PHKB: variants seen among roughly 807,000 people sequenced by gnomAD.
PHKB encodes the protein phosphorylase b kinase regulatory subunit beta.
A neutral mutation model predicts 152.1 loss-of-function variants in PHKB; 122 were observed. The observed-to-expected ratio is 0.80, with a 90% CI of 0.69 to 0.93. The LOEUF (loss-of-function observed/expected upper bound fraction) is 0.93. Ranked by LOEUF, PHKB falls within the 40% of genes least tolerant of loss-of-function variation. PHKB has a pLI of 0.00. For missense variants in PHKB, 1,304 were observed against 1,328.4 expected (o/e 0.98, Z 0.29); for synonymous variants, 436 against 464.9 (o/e 0.94, Z 0.80).
At chr16:47,654,965 T>G (rs1014132857) in intron 20 of PHKB, among the ~76,000 whole-genome samples, 8 of 151,100 alleles carry the variant, frequency 5.3e-5, no homozygotes, top group South Asian at 2.1e-4. Flanking sequence ...AAAAAATAAA[T>G]AAAGAAAAGA....
intron 7 of PHKB, among the ~76,000 whole-genome samples, chr16:47,556,893 T>A (rs1422887329): frequency 1.3e-5 from 2 of 152,226 alleles, no homozygotes; most frequent in Non-Finnish European, 2.9e-5. Flanking sequence ...TGAATCCATC[T>A]GGTCCTGGAC....
At chr16:47,586,439 T>C (rs1971936279) in intron 8 of PHKB, among the ~76,000 whole-genome samples, 1 of 152,244 alleles carries the variant, frequency 6.6e-6, no homozygotes, top group Non-Finnish European at 1.5e-5. Context: ...GTTCATTTAT[T>C]AATTTACTTG....
At chr16:47,514,589 C>T (rs1056298733) in intron 5 of PHKB, among the ~76,000 whole-genome samples, 5 of 152,212 alleles carry the variant, frequency 3.3e-5, no homozygotes, top group Non-Finnish European at 5.9e-5. Context: ...GAGAATAGGT[C>T]TTCCCCACTC....
intron 1 of PHKB, among the ~76,000 whole-genome samples, chr16:47,483,843 T>C (rs1284855852): frequency 1.3e-5 from 2 of 152,202 alleles, no homozygotes; most frequent in Non-Finnish European, 2.9e-5. Flanking sequence ...CATCAGAGTA[T>C]AGTAATTTCA....
chr16:47,586,394 A>G (rs762287844), intron 8 of PHKB, among the ~76,000 whole-genome samples: 4 of 152,216 alleles, frequency 2.6e-5, no homozygotes, highest in Non-Finnish European at 4.4e-5. Flanking sequence ...TTTACCATTC[A>G]TCTGGTGGTT....
chr16:47,665,138 T>G (rs936703351), intron 25 of PHKB, 163 bp downstream of exon 25: 2 of 634,546 alleles, frequency 3.2e-6, no homozygotes, highest in African/African-American at 3.7e-5. Context: ...TGACTTAATT[T>G]TCTTTTAGTC....
chr16:47,477,973 G>A (rs1280192461), intron 1 of PHKB, among the ~76,000 whole-genome samples: 1 of 151,840 alleles, frequency 6.6e-6, no homozygotes, highest in Admixed American at 6.6e-5. Flanking sequence ...TCAGGAATAT[G>A]GTAAAGAAAG....
intron 7 of PHKB, among the ~76,000 whole-genome samples, chr16:47,550,624 A>T (rs1056454855): frequency 1.3e-5 from 2 of 152,142 alleles, no homozygotes; most frequent in African/African-American, 4.8e-5. Flanking sequence ...TTTCCTTGCC[A>T]CACTGAGTAC....
In PHKB at chr16:47,474,632, C is replaced by T. The variant is rs140581714; in HGVS notation, c.76+13206C>T. Among the ~76,000 whole-genome samples the T allele has an allele frequency of 8.5e-4, 129 of 152,016 alleles. 1 individual carries two copies. The highest frequency in any genetic ancestry group is 3.0e-3 in the African/African-American group (123 of 41,456). On this transcript the variant is annotated intron_variant, in intron 1 of 30. Transcript: ENST00000323584. ...ACTTTGGTTGCATTAACTTTGTCGG[C>T]TCACTTGTAAATATCTGATGATTGA...
chr16:47,677,772 T>A (rs1338172537), intron 26 of PHKB, among the ~76,000 whole-genome samples: 1 of 145,814 alleles, frequency 6.9e-6, no homozygotes, highest in Non-Finnish European at 1.5e-5. Context: ...ATCATCTAAT[T>A]TTTTTTTTTT....
intron 14 of PHKB, among the ~76,000 whole-genome samples, chr16:47,613,808 G>A (rs138585325): frequency 8.8e-4 from 133 of 151,946 alleles, no homozygotes; most frequent in African/African-American, 3.0e-3. Context: ...CTACTAATCC[G>A]TTCTTTATTT....
intron 1 of PHKB, among the ~76,000 whole-genome samples, chr16:47,482,322 T>A (rs1025861037): frequency 5.3e-5 from 8 of 152,234 alleles, no homozygotes; most frequent in Non-Finnish European, 7.3e-5. Context: ...TAGCATTCAT[T>A]ACCTACAAAC....
intron 2 of PHKB, among the ~76,000 whole-genome samples, chr16:47,499,214 C>T (rs914243417): frequency 2.0e-5 from 3 of 152,254 alleles, no homozygotes; most frequent in Admixed American, 6.5e-5. Flanking sequence ...TGTAGACTCC[C>T]TCTGAAGACC....
At chr16:47,617,555 G>A (rs192866483) in intron 14 of PHKB, among the ~76,000 whole-genome samples, 6 of 152,008 alleles carry the variant, frequency 3.9e-5, no homozygotes, top group Non-Finnish European at 8.8e-5. Context: ...GTCTTTCTGC[G>A]TGTGGCTTAT....
At chr16:47,557,079 C>T (rs1038305359) in intron 7 of PHKB, among the ~76,000 whole-genome samples, 9 of 152,090 alleles carry the variant, frequency 5.9e-5, no homozygotes, top group Admixed American at 2.0e-4. Flanking sequence ...AATAATGCCG[C>T]GTATCTACAA....
intron 1 of PHKB, among the ~76,000 whole-genome samples, chr16:47,479,389 T>C (rs1969925763): frequency 6.6e-6 from 1 of 152,192 alleles, no homozygotes; most frequent in African/African-American, 2.4e-5. Context: ...ACAAAGCTGC[T>C]GTCTAATTTT....
chr16:47,592,404 G>A (rs1205583479), intron 10 of PHKB, among the ~76,000 whole-genome samples: 1 of 152,162 alleles, frequency 6.6e-6, no homozygotes, highest in Non-Finnish European at 1.5e-5. Flanking sequence ...TCACTACTTC[G>A]TCCTTGCTTA....
At position 47,586,442 on chromosome 16, in the gene PHKB, TTTAC is replaced by T. The variant is rs1210650289; in HGVS notation, c.775-1223_775-1220del. The stretch of plus-strand genomic sequence containing the variant: ...CACCGAATCACTGTTCATTTATTAA[TTTAC>T]TTGTCAGATTTTAAAAAGATTTTAA... On this transcript the variant is annotated intron_variant, in intron 8 of 30. Coordinates refer to ENST00000323584, the MANE Select transcript of PHKB (RefSeq NM_000293.3). 3.3e-5 allele frequency among the ~76,000 whole-genome samples: 5 copies of T among 152,314 alleles called. No individual in the cohort carries two copies. The South Asian group carries it at 1.0e-3, about 32-fold the overall frequency.
In PHKB at chr16:47,639,398, C is replaced by T. The variant is rs186424029; in HGVS notation, c.1459-1637C>T. ...AGAGAGTTTTACGAGTGGGGCTGCCCGTGCTGAATTCTTTCTCTCAATGGT... is the reference window on the plus strand; with the variant it reads ...AGAGAGTTTTACGAGTGGGGCTGCCTGTGCTGAATTCTTTCTCTCAATGGT... On this transcript the variant is annotated intron_variant, in intron 14 of 30. Transcript: ENST00000323584. Among the ~76,000 whole-genome samples the T allele has an allele frequency of 2.0e-4, 31 of 152,286 alleles. 1 individual carries two copies. The East Asian group carries it at 4.2e-3, about 21-fold the overall frequency.
Sources: allele counts gnomAD v4.1 joint callset (sites outside exome capture counted in the v4.1 genomes callset), GRCh38; gene constraint gnomAD v4.1.1; transcripts MANE v1.5; gene names NCBI Gene and HGNC (gene_info 2026-07-23, HGNC 2026-07-21).